GSE1: variants seen among roughly 807,000 people sequenced by gnomAD.
GSE1 encodes the protein Gse1 coiled-coil protein.
GSE1 carries 32 observed loss-of-function variants against 112.6 expected under a neutral mutation model. The ratio of observed to expected loss-of-function variants is 0.28; its 90% confidence interval spans 0.21 to 0.38. The LOEUF is 0.38. Among genes scored for constraint, GSE1 ranks in the 10% least tolerant of loss-of-function variants. The pLI, the probability that GSE1 is intolerant of heterozygous loss-of-function variation, is 1.00. For missense variants in GSE1, 2,348 were observed against 1,699.2 expected (o/e 1.38, Z -6.71); for synonymous variants, 1,115 against 735.6 (o/e 1.52, Z -8.35).
chr16:85,667,102 C>T (rs145807693), intron 13 of GSE1, among the ~76,000 whole-genome samples: 1 of 152,340 alleles, frequency 6.6e-6, no homozygotes, highest in East Asian at 1.9e-4. Context: ...AGCCAGTTCT[C>T]CATGACAGAT....
At chr16:85,462,699 G>C (rs1597826994) in intron 2 of GSE1, among the ~76,000 whole-genome samples, 1 of 115,838 alleles carries the variant, frequency 8.6e-6, no homozygotes, top group East Asian at 3.0e-4. Flanking sequence ...GGGCGCCGCG[G>C]CGCGGGAGGG....
At chr16:85,226,180 G>A in intron 1 of GSE1, among the ~76,000 whole-genome samples, 1 of 152,190 alleles carries the variant, frequency 6.6e-6, no homozygotes, top group Middle Eastern at 3.2e-3. Flanking sequence ...AGGATCCATG[G>A]ACATGTTCCG....
At chr16:85,421,009 G>T (rs1338748717) in intron 2 of GSE1, among the ~76,000 whole-genome samples, 2 of 152,246 alleles carry the variant, frequency 1.3e-5, no homozygotes, top group Non-Finnish European at 2.9e-5. Context: ...CTAGGCCTCA[G>T]TGGCCCCCTC....
Position 85,313,047 on chromosome 16 carries a change from C to A in GSE1, c.2284-44416C>A, listed in dbSNP as rs543273217. 2.0e-5 allele frequency among the ~76,000 whole-genome samples: 3 copies of A among 152,270 alleles called. No individual in the cohort carries two copies. In the South Asian group the frequency reaches 6.2e-4, roughly 32 times the overall value. ...AGGAGGAGCCACTGCCCGGCTGATA[C>A]TCGCCAAGGCCCCAGCTCTGACACT... On this transcript the variant is annotated intron_variant, in intron 1 of 2. Coordinates refer to the GSE1 transcript ENST00000637419.
intron 1 of GSE1, among the ~76,000 whole-genome samples, chr16:85,197,928 C>G (rs58597629): frequency 0.17 from 26,099 of 152,114 alleles, 2,370 homozygotes; most frequent in Non-Finnish European, 0.2. Flanking sequence ...TTCTTTCCAT[C>G]TTGGATGTGT....
At chr16:85,463,017 C>T (rs1394757079) in intron 2 of GSE1, 2 of 811,014 alleles carry the variant, frequency 2.5e-6, no homozygotes, top group African/African-American at 3.7e-5. Context: ...CTCGCCTCCG[C>T]CGCGGGCCAT....
intron 2 of GSE1, among the ~76,000 whole-genome samples, chr16:85,412,737 A>T (rs62050370): frequency 1.3e-5 from 2 of 151,860 alleles, no homozygotes; most frequent in Non-Finnish European, 2.9e-5. Flanking sequence ...GGCCCCCCGG[A>T]TAATCCTCAC....
chr16:85,215,401 A>G (rs2075291208), intron 1 of GSE1, among the ~76,000 whole-genome samples: 1 of 152,150 alleles, frequency 6.6e-6, no homozygotes, highest in African/African-American at 2.4e-5. Context: ...AGACACTCAG[A>G]AGGGGAAGGG....
intron 2 of GSE1, among the ~76,000 whole-genome samples, chr16:85,646,246 C>G (rs947199245): frequency 6.6e-6 from 1 of 152,222 alleles, no homozygotes; most frequent in Non-Finnish European, 1.5e-5. Flanking sequence ...CTACCTGCTT[C>G]TACCACGCAT....
At chr16:85,425,353 G>C (rs1328130630) in intron 2 of GSE1, among the ~76,000 whole-genome samples, 4 of 91,540 alleles carry the variant, frequency 4.4e-5, no homozygotes, top group Non-Finnish European at 1.1e-4. Flanking sequence ...CCAGGGCCAA[G>C]GGAAAGGGTG....
chr16:85,389,187 C>T (rs1238079210), intron 2 of GSE1, among the ~76,000 whole-genome samples: 2 of 152,118 alleles, frequency 1.3e-5, no homozygotes, highest in African/African-American at 4.8e-5. Context: ...GGGGCCGGGG[C>T]AGTGGCTCAT....
chr16:85,445,509 G>A (rs2151790897), intron 2 of GSE1, among the ~76,000 whole-genome samples: 1 of 152,354 alleles, frequency 6.6e-6, no homozygotes, highest in African/African-American at 2.4e-5. Context: ...GCTTTGCGTG[G>A]CGGGCGGCTG....
At chr16:85,462,453 A>G (rs1313632978) in intron 2 of GSE1, among the ~76,000 whole-genome samples, 1 of 150,490 alleles carries the variant, frequency 6.6e-6, no homozygotes, top group Non-Finnish European at 1.5e-5. Flanking sequence ...ACAAAAGAAA[A>G]TGCGCCAGTG....
At chr16:85,669,936 A>G (rs1424834998) in intron 14 of GSE1, among the ~76,000 whole-genome samples, 1 of 152,188 alleles carries the variant, frequency 6.6e-6, no homozygotes, top group Admixed American at 6.5e-5. Context: ...GCTACCGCTC[A>G]GCTGTTTTTA....
At chr16:85,366,863 T>C (rs868664660) in intron 2 of GSE1, among the ~76,000 whole-genome samples, 2 of 152,390 alleles carry the variant, frequency 1.3e-5, no homozygotes, top group Middle Eastern at 6.8e-3. Context: ...AACTGGAATT[T>C]CTTTCCCAAT....
At position 85,388,733 on chromosome 16, in the gene GSE1, T is replaced by TGGAA. The variant is rs1213398027; in HGVS notation, c.2464+31103_2464+31106dup. On this transcript the variant is annotated intron_variant, in intron 2 of 2. Coordinates refer to the GSE1 transcript ENST00000637419. ...GTGGATGAGTGGATAGATGGGTGGA[T>TGGAA]GGAAGGAAGGAAGGAAAGATGGAAA... Among the ~76,000 whole-genome samples, 13 of 152,124 alleles carry TGGAA rather than the reference T, an allele frequency of 8.5e-5. No individual in the cohort carries two copies. In the South Asian group the frequency reaches 1.2e-3, roughly 15 times the overall value.
chr16:85,556,787 C>A (rs1191821109), intron 1 of GSE1, among the ~76,000 whole-genome samples: 1 of 147,264 alleles, frequency 6.8e-6, no homozygotes, highest in African/African-American at 2.5e-5. Flanking sequence ...ATTTCCCTCT[C>A]CCTCCAGCCA....
chr16:85,413,583 C>T (rs186458435), intron 2 of GSE1, among the ~76,000 whole-genome samples: 9 of 152,250 alleles, frequency 5.9e-5, no homozygotes, highest in East Asian at 1.9e-4. Flanking sequence ...GCACACGCTT[C>T]GCAAATGGAC....
At chr16:85,494,182 C>G (rs1256927724) in intron 2 of GSE1, among the ~76,000 whole-genome samples, 1 of 152,268 alleles carries the variant, frequency 6.6e-6, no homozygotes. Flanking sequence ...CTGGAGGCCA[C>G]AAGTCTGAAG....
Sources: allele counts gnomAD v4.1 joint callset (sites outside exome capture counted in the v4.1 genomes callset), GRCh38; gene constraint gnomAD v4.1.1; transcripts MANE v1.5; gene names NCBI Gene and HGNC (gene_info 2026-07-23, HGNC 2026-07-21).